Variants in MAPK10 observed in about 807,000 individuals in gnomAD.
MAPK10 encodes JNK3 alpha protein kinase.
In MAPK10, 25 loss-of-function variants were observed where a neutral mutation model predicts 59.3. The observed-to-expected ratio is 0.42, with a 90% CI of 0.31 to 0.59. The LOEUF (loss-of-function observed/expected upper bound fraction) is 0.59. MAPK10 is among the 20% of genes least tolerant of loss of function. The pLI is 0.15. For synonymous variants in MAPK10, 190 were observed against 200.5 expected (o/e 0.95, Z 0.44); for missense variants, 351 against 568.9 (o/e 0.62, Z 3.90).
intron 1 of MAPK10, among the ~76,000 whole-genome samples, chr4:86,397,459 A>G (rs1038742704): frequency 3.9e-5 from 6 of 152,130 alleles, no homozygotes; most frequent in Non-Finnish European, 5.9e-5. Flanking sequence ...TTGCCAAGGG[A>G]TAGAGAGTAC....
intron 3 of MAPK10, among the ~76,000 whole-genome samples, chr4:86,168,744 C>T (rs1040851976): frequency 6.6e-5 from 10 of 152,200 alleles, no homozygotes; most frequent in Middle Eastern, 3.4e-3. Context: ...GATCTGAGAA[C>T]GGGCAGACTG....
chr4:86,295,950 C>T (rs1475651746), intron 2 of MAPK10, among the ~76,000 whole-genome samples: 1 of 151,030 alleles, frequency 6.6e-6, no homozygotes, highest in Non-Finnish European at 1.5e-5. Context: ...CCAAAGCAAG[C>T]AGATCACCTG....
chr4:86,385,077 A>G (rs952788183), intron 1 of MAPK10, among the ~76,000 whole-genome samples: 1 of 152,152 alleles, frequency 6.6e-6, no homozygotes, highest in Non-Finnish European at 1.5e-5. Context: ...GAGGATGTTA[A>G]AAGTACAGAA....
At chr4:86,235,231 C>T (rs1252665627) in intron 2 of MAPK10, among the ~76,000 whole-genome samples, 2 of 152,086 alleles carry the variant, frequency 1.3e-5, no homozygotes. Flanking sequence ...TTTATGAGTC[C>T]CACACATTCC....
intron 11 of MAPK10, among the ~76,000 whole-genome samples, chr4:86,056,409 A>G (rs910167518): frequency 6.7e-6 from 1 of 150,180 alleles, no homozygotes; most frequent in Admixed American, 6.6e-5. Context: ...TGAGTCTAAC[A>G]AAGTACATTG....
intron 5 of MAPK10, among the ~76,000 whole-genome samples, chr4:86,103,693 A>AT (rs1014529204): frequency 3.3e-5 from 5 of 151,268 alleles, no homozygotes; most frequent in South Asian, 2.1e-4. Flanking sequence ...GTTACTTTAT[A>AT]TTTTTTTTTA....
chr4:86,382,986 ACATATCT>A (rs1740973455), intron 1 of MAPK10, among the ~76,000 whole-genome samples: 1 of 152,226 alleles, frequency 6.6e-6, no homozygotes, highest in Non-Finnish European at 1.5e-5. Context: ...TAATGAAACT[ACATATCT>A]CATAAAATTA....
At chr4:86,165,159 G>A (rs114231088) in intron 3 of MAPK10, among the ~76,000 whole-genome samples, 4,515 of 152,164 alleles carry the variant, frequency 0.03, 89 homozygotes, top group South Asian at 0.042. Context: ...TTTGGATACC[G>A]AAAACCAGTT....
intron 3 of MAPK10, among the ~76,000 whole-genome samples, chr4:86,175,320 T>A (rs2075429049): frequency 6.6e-6 from 1 of 152,178 alleles, no homozygotes; most frequent in Non-Finnish European, 1.5e-5. Context: ...TTTAAGAATC[T>A]GAAACACTAA....
intron 4 of MAPK10, among the ~76,000 whole-genome samples, chr4:86,149,856 GC>G (rs2065965945): frequency 1.3e-5 from 2 of 152,166 alleles, no homozygotes; most frequent in Non-Finnish European, 2.9e-5. Flanking sequence ...TCTAACCACG[GC>G]CTTTCACAGC....
At chr4:86,215,009 A>G (rs544526742) in intron 2 of MAPK10, among the ~76,000 whole-genome samples, 1 of 152,294 alleles carries the variant, frequency 6.6e-6, no homozygotes, top group South Asian at 2.1e-4. Flanking sequence ...TGATTTCAAA[A>G]CCTACTACAA....
At chr4:86,545,931 A>G (rs192013130) in intron 1 of MAPK10, among the ~76,000 whole-genome samples, 6 of 152,374 alleles carry the variant, frequency 3.9e-5, no homozygotes, top group Admixed American at 1.3e-4. Context: ...CTCAGTCCAA[A>G]ATAAAAATGC....
chr4:86,019,411 T>A (rs1229358980), intron 13 of MAPK10, among the ~76,000 whole-genome samples: 1 of 152,202 alleles, frequency 6.6e-6, no homozygotes, highest in Non-Finnish European at 1.5e-5. Context: ...AATTACTCTA[T>A]CAGGACAATG....
At chr4:86,273,241 T>C (rs1408642292) in intron 2 of MAPK10, among the ~76,000 whole-genome samples, 1 of 152,096 alleles carries the variant, frequency 6.6e-6, no homozygotes, top group East Asian at 1.9e-4. Flanking sequence ...GAATTTTATC[T>C]TGCTCAAAGC....
intron 1 of MAPK10, among the ~76,000 whole-genome samples, chr4:86,391,214 T>G (rs925813596): frequency 6.6e-6 from 1 of 152,196 alleles, no homozygotes; most frequent in Non-Finnish European, 1.5e-5. Flanking sequence ...AAAATTATAT[T>G]TGAAGTTCTC....
At chr4:86,412,906 ACTCATCAAAGTTATT>A (rs1745378500) in intron 1 of MAPK10, among the ~76,000 whole-genome samples, 1 of 152,072 alleles carries the variant, frequency 6.6e-6, no homozygotes. Context: ...ACTTCTGTAA[ACTCATCAAAGTTATT>A]CTCCGTCAAG....
chr4:86,057,718 T>A (rs2044882794), intron 11 of MAPK10, among the ~76,000 whole-genome samples: 1 of 149,914 alleles, frequency 6.7e-6, no homozygotes, highest in Non-Finnish European at 1.5e-5. Context: ...ACTAAACTGT[T>A]AACAAATAGT....
At chr4:86,128,582 C>A (rs567011550) in intron 4 of MAPK10, among the ~76,000 whole-genome samples, 1 of 152,170 alleles carries the variant, frequency 6.6e-6, no homozygotes, top group East Asian at 1.9e-4. Flanking sequence ...GAGCTGTGAG[C>A]CAATTAAATC....
chr4:86,168,278 T>C (rs6826951), intron 3 of MAPK10, among the ~76,000 whole-genome samples: 49,548 of 152,106 alleles, frequency 0.33, 11,151 homozygotes, highest in African/African-American at 0.64. Flanking sequence ...ACTCGGGAAG[T>C]GCAAGGGTCA....
Sources: allele counts gnomAD v4.1 joint callset (sites outside exome capture counted in the v4.1 genomes callset), GRCh38; gene constraint gnomAD v4.1.1; transcripts MANE v1.5; gene names NCBI Gene and HGNC (gene_info 2026-07-23, HGNC 2026-07-21).